The following MAD1L1 variants were observed in gnomAD, a reference collection of about 807,000 sequenced individuals.
MAD1L1 encodes the protein mitotic spindle assembly checkpoint protein MAD1.
In MAD1L1, 95 loss-of-function variants were observed where a neutral mutation model predicts 96.9. The observed-to-expected ratio is 0.98, with a 90% CI of 0.83 to 1.16. The LOEUF (loss-of-function observed/expected upper bound fraction) is 1.16, where lower values mean the gene tolerates loss of function less well. Among genes scored for constraint, MAD1L1 ranks in the 50% most tolerant of loss-of-function variants. MAD1L1 has a pLI of 0.00. For synonymous variants in MAD1L1, 473 were observed against 396.6 expected (o/e 1.19, Z -2.29); for missense variants, 1,007 against 954.4 (o/e 1.06, Z -0.73).
At chr7:1,824,475 A>G (rs1377591550) in intron 18 of MAD1L1, among the ~76,000 whole-genome samples, 14 of 152,064 alleles carry the variant, frequency 9.2e-5, no homozygotes, top group Non-Finnish European at 2.1e-4. Context: ...TGCCCACGTT[A>G]CCCCGGGCCA....
chr7:2,079,970 T>A (rs1004734109), intron 11 of MAD1L1: 4 of 335,870 alleles, frequency 1.2e-5, no homozygotes, highest in South Asian at 7.0e-5. Flanking sequence ...TGGACACATC[T>A]ACCGTCTCCC....
chr7:2,211,044 G>T (rs970202466), intron 10 of MAD1L1, among the ~76,000 whole-genome samples: 5 of 152,214 alleles, frequency 3.3e-5, no homozygotes, highest in African/African-American at 4.8e-5. Flanking sequence ...GGGGGCAGGG[G>T]GAGCCTTGAA....
chr7:2,058,813 G>A (rs1261747000), intron 12 of MAD1L1, among the ~76,000 whole-genome samples: 4 of 121,664 alleles, frequency 3.3e-5, no homozygotes, highest in Non-Finnish European at 6.9e-5. Flanking sequence ...GCTGGAGTGG[G>A]AGTGTGGCCA....
chr7:1,907,468 A>C lies in MAD1L1; in HGVS notation c.1808-9078T>G, dbSNP rs140550003. 9.2e-5 allele frequency among the ~76,000 whole-genome samples: 14 copies of C among 152,402 alleles called. No homozygotes were observed. The East Asian group carries it at 2.5e-3, about 27-fold the overall frequency. On this transcript the variant is annotated intron_variant, in intron 17 of 18. Coordinates refer to ENST00000265854, the MANE Select transcript of MAD1L1 (RefSeq NM_001013836.2). ...TTTAAAAAACCCACAAAAAGGGACTAATATTTCACCATTAAACAAGGCAGC... is the reference window on the plus strand; with the variant it reads ...TTTAAAAAACCCACAAAAAGGGACTCATATTTCACCATTAAACAAGGCAGC...
intron 11 of MAD1L1, among the ~76,000 whole-genome samples, chr7:2,090,292 C>A (rs1786140593): frequency 6.6e-6 from 1 of 152,240 alleles, no homozygotes; most frequent in Admixed American, 6.5e-5. Context: ...CCAGTTGAAT[C>A]TGGTTCTGCG....
In MAD1L1 at chr7:1,957,615, T is replaced by C. The variant is rs755580820; in HGVS notation, c.1596+14A>G. 7.1e-5 allele frequency: 114 copies of C among 1,613,004 alleles called. No individual in the cohort carries two copies. The highest frequency in any genetic ancestry group is 9.4e-5 in the Non-Finnish European group (111 of 1,179,688). The stretch of plus-strand genomic sequence containing the variant: ...CCCAGGCAGTGCCTCACCCAGAGGC[T>C]GCCCCGCCCTCACCTGCAGAGCTCG... On this transcript the variant is annotated intron_variant, in intron 16 of 18. Transcript: ENST00000265854.
At chr7:1,836,875 A>C in intron 18 of MAD1L1, among the ~76,000 whole-genome samples, 1 of 152,228 alleles carries the variant, frequency 6.6e-6, no homozygotes, top group Non-Finnish European at 1.5e-5. Flanking sequence ...GAAGAAAAAA[A>C]AATGGAGGCA....
At chr7:2,172,894 C>T (rs942754708) in intron 10 of MAD1L1, among the ~76,000 whole-genome samples, 2 of 152,228 alleles carry the variant, frequency 1.3e-5, no homozygotes, top group African/African-American at 4.8e-5. Flanking sequence ...AGCGTGCACA[C>T]CGCGGTCTGT....
chr7:2,043,066 T>A (rs902812306), intron 12 of MAD1L1, among the ~76,000 whole-genome samples: 1 of 152,044 alleles, frequency 6.6e-6, no homozygotes, highest in Non-Finnish European at 1.5e-5. Flanking sequence ...CTCCACAATC[T>A]CTTTATTTAT....
At chr7:2,220,829 A>G in intron 5 of MAD1L1, 1 of 1,520,058 alleles carries the variant, frequency 6.6e-7, no homozygotes, top group Non-Finnish European at 8.9e-7. Flanking sequence ...TATTAAAAAC[A>G]TACTAACAAT....
At chr7:2,147,739 C>G (rs534826796) in intron 11 of MAD1L1, among the ~76,000 whole-genome samples, 1 of 152,352 alleles carries the variant, frequency 6.6e-6, no homozygotes, top group African/African-American at 2.4e-5. Flanking sequence ...CTCCCTGAGA[C>G]AGAGACCCCA....
At chr7:2,060,710 G>A (rs563953835) in intron 12 of MAD1L1, among the ~76,000 whole-genome samples, 18 of 152,368 alleles carry the variant, frequency 1.2e-4, no homozygotes, top group South Asian at 2.1e-4. Flanking sequence ...AGCGCCACGC[G>A]TGGGGAGAAG....
chr7:2,222,679 TCTC>T lies in MAD1L1; in HGVS notation c.364_366del (p.Glu122del), dbSNP rs1383392221. 3 of 1,612,716 alleles carry T rather than the reference TCTC, an allele frequency of 1.9e-6. No homozygotes were observed. Among genetic ancestry groups the T allele is most frequent in the Non-Finnish European group, 2.5e-6 (3 of 1,179,878 alleles). ...TTGCGCTCCAGCTGCTCCTGCATCT[TCTC>T]CTCCGCCCCGGCCTCCCGCTCCTGA... On this transcript the variant is annotated inframe_deletion, in exon 5 of 19. Transcript: ENST00000265854.
At chr7:2,041,103 C>G (rs923265660) in intron 12 of MAD1L1, among the ~76,000 whole-genome samples, 2 of 152,196 alleles carry the variant, frequency 1.3e-5, no homozygotes, top group African/African-American at 2.4e-5. Context: ...AGCTACAGCA[C>G]CCCCAGAGTT....
chr7:1,985,661 T>C (rs1294781699), intron 14 of MAD1L1, among the ~76,000 whole-genome samples: 1 of 152,228 alleles, frequency 6.6e-6, no homozygotes, highest in East Asian at 1.9e-4. Context: ...ATGTAGCACT[T>C]ACATTTCCAG....
At chr7:1,864,009 ACTAC>A (rs1431023199) in intron 18 of MAD1L1, among the ~76,000 whole-genome samples, 2 of 79,780 alleles carry the variant, frequency 2.5e-5, no homozygotes, top group African/African-American at 8.5e-5. Context: ...ACTGCTTAAA[ACTAC>A]TCTGGAGGAG....
At chr7:2,007,168 G>A (rs954048701) in intron 13 of MAD1L1, among the ~76,000 whole-genome samples, 1 of 152,210 alleles carries the variant, frequency 6.6e-6, no homozygotes, top group African/African-American at 2.4e-5. Context: ...AGGCGCCGAG[G>A]TGGAGAAGCA....
intron 15 of MAD1L1, among the ~76,000 whole-genome samples, chr7:1,975,025 G>C (rs1446615898): frequency 6.6e-6 from 1 of 152,252 alleles, no homozygotes; most frequent in African/African-American, 2.4e-5. Flanking sequence ...CCAGGCGCAG[G>C]GGCCGCTGTC....
At chr7:2,085,281 A>G (rs1183643487) in intron 11 of MAD1L1, among the ~76,000 whole-genome samples, 5 of 152,192 alleles carry the variant, frequency 3.3e-5, no homozygotes, top group Admixed American at 3.3e-4. Context: ...TTAACAAAAG[A>G]CAAGTGTAAC....
Sources: gnomAD v4.1 joint callset for allele counts (sites outside exome capture counted in the v4.1 genomes callset) on GRCh38, gnomAD v4.1.1 for gene constraint, MANE v1.5 for transcripts, NCBI Gene and HGNC (gene_info 2026-07-23, HGNC 2026-07-21) for gene names.